The following MAP3K1 variants were observed in gnomAD, a reference collection of about 807,000 sequenced individuals.
The protein encoded by MAP3K1 is mitogen-activated protein kinase kinase kinase 1.
In MAP3K1, 36 loss-of-function variants were observed where a neutral mutation model predicts 144.2. The ratio of observed to expected loss-of-function variants is 0.25; its 90% CI spans 0.19 to 0.33. The LOEUF is 0.33. Among genes scored for constraint, MAP3K1 ranks in the 10% least tolerant of loss-of-function variants. MAP3K1 has a pLI of 1.00. For missense variants in MAP3K1, 1,650 were observed against 1,881.9 expected, an observed-to-expected ratio of 0.88 and a Z score of 2.28; for synonymous variants, 718 against 688.7, an observed-to-expected ratio of 1.04 and a Z score of -0.67.
intron 17 of MAP3K1, 100 bp from the exon 18 acceptor site, chr5:56,887,278 T>C: frequency 1.7e-6 from 2 of 1,144,526 alleles, no homozygotes; most frequent in East Asian, 2.5e-5. Context: ...TTCACTTCTT[T>C]CTTTTGTCAT....
chr5:56,851,168 A>T (rs1204382527), intron 1 of MAP3K1, among the ~76,000 whole-genome samples: 1 of 152,070 alleles, frequency 6.6e-6, no homozygotes, highest in Non-Finnish European at 1.5e-5. Flanking sequence ...CTGGTCTCGA[A>T]CTCCCAACCT....
intron 6 of MAP3K1, among the ~76,000 whole-genome samples, chr5:56,867,904 C>T (rs1476884244): frequency 6.6e-6 from 1 of 152,164 alleles, no homozygotes; most frequent in Non-Finnish European, 1.5e-5. Flanking sequence ...TTACAAATGT[C>T]ATGTAGGCAT....
intron 17 of MAP3K1, 27 bp downstream of exon 17, chr5:56,886,090 G>A: frequency 1.3e-6 from 2 of 1,591,360 alleles, no homozygotes; most frequent in Non-Finnish European, 1.7e-6. Flanking sequence ...TTATTATCTA[G>A]TGACAATAAA....
In MAP3K1 at chr5:56,816,004, G is replaced by A. The variant is rs1169305928; in HGVS notation, c.431G>A (p.Gly144Glu). ...TCGAGTCCCGCAGCGGCCGAGCCCG[G>A]GGAGAAGCGGGCGCCCGCCGCCGAG... ...GASSPAAAEP[G>E]EKRAPAAEPS... The change falls in exon 1 of 20, where the codon GGG becomes GAG. Residue 144 changes from glycine to glutamate, a missense_variant. By Grantham distance (98) the Gly-to-Glu change is moderately conservative. This residue lies in a region of MAP3K1 where 360 missense variants were observed against 274.7 expected (regional missense o/e 1.31). Transcript: ENST00000399503. The A allele has an allele frequency of 1.6e-6, 2 of 1,227,638 alleles. No homozygotes were observed. The highest frequency in any genetic ancestry group is 1.6e-5 in the African/African-American group (1 of 63,762). 76.0% of individuals were successfully genotyped at this position (1,227,638 alleles called of 1,614,324 possible).
In MAP3K1 at chr5:56,816,073, G is replaced by A; in HGVS notation, c.482+18G>A. 1 of 1,209,888 alleles carries A rather than the reference G, an allele frequency of 8.3e-7. No homozygotes were observed. Among genetic ancestry groups the A allele is most frequent in the African/African-American group, 1.6e-5 (1 of 63,472 alleles). The allele number at this position is 1,209,888 out of a possible 1,614,324, so 74.9% of individuals were successfully genotyped here. A position where few individuals can be genotyped will look rare whatever the true frequency, so the allele number is the denominator to read the frequency against. Reference sequence around the variant, plus strand: ...CCCGCCGGGTGAGCAGCACGGCCGGGGTCGCGGCGGGGACTTGGAGAGCGG... The same window carrying A: ...CCCGCCGGGTGAGCAGCACGGCCGGAGTCGCGGCGGGGACTTGGAGAGCGG... On this transcript the variant is annotated intron_variant, in intron 1 of 19. Transcript: ENST00000399503.
chr5:56,832,851 T>G (rs899625975), intron 1 of MAP3K1, among the ~76,000 whole-genome samples: 22 of 152,204 alleles, frequency 1.4e-4, no homozygotes, highest in Non-Finnish European at 2.5e-4. Context: ...AAAACATTAG[T>G]GAAGCATTTT....
chr5:56,880,198 A>G (rs758757636), intron 11 of MAP3K1, among the ~76,000 whole-genome samples: 4 of 152,204 alleles, frequency 2.6e-5, no homozygotes, highest in African/African-American at 4.8e-5. Flanking sequence ...GGTATTTGTT[A>G]TGCTGCTCAC....
chr5:56,858,589 C>G (rs1561184165), intron 2 of MAP3K1, among the ~76,000 whole-genome samples: 1 of 152,060 alleles, frequency 6.6e-6, no homozygotes, highest in Non-Finnish European at 1.5e-5. Flanking sequence ...TAAGTTGTGT[C>G]AAATCATTCT....
At chr5:56,880,958 TGA>T (rs1748186374) in intron 12 of MAP3K1, 123 bp from the exon 13 acceptor site, 2 of 1,066,194 alleles carry the variant, frequency 1.9e-6, no homozygotes, top group East Asian at 5.2e-5. Flanking sequence ...TGAATTACTC[TGA>T]GAGAGAAATT....
intron 1 of MAP3K1, among the ~76,000 whole-genome samples, chr5:56,836,337 A>G (rs1376770424): frequency 1.3e-5 from 2 of 152,050 alleles, no homozygotes; most frequent in Admixed American, 6.5e-5. Flanking sequence ...ACAGCCAGTC[A>G]AATTTTGGTG....
rs1051324821 is a variant in MAP3K1, at chr5:56,847,022, A to G, written c.483-9578A>G. ...ATTTCTGAGAGACATGAGTGTGCCA[A>G]AGAAACACCATAACCAAGCTTTTAC... On this transcript the variant is annotated intron_variant, in intron 1 of 19. Transcript: ENST00000399503. Among the ~76,000 whole-genome samples the G allele has an allele frequency of 3.9e-5, 6 of 152,340 alleles. No individual in the cohort carries two copies. The South Asian group carries it at 8.3e-4, about 21-fold the overall frequency.
In MAP3K1 at chr5:56,875,097, C is replaced by T. The variant is rs1362915612; in HGVS notation, c.1752C>T (p.Leu584=). The change falls in exon 10 of 20, where the codon CTC becomes CTT. Residue 584 remains leucine, a synonymous_variant. Transcript: ENST00000399503. Reference sequence around the variant, plus strand: ...ACTGGAATGTGAGAGAGATGGCCCTCAGGCGTCTTTCCCATGATGTCAGTG... The same window carrying T: ...ACTGGAATGTGAGAGAGATGGCCCTTAGGCGTCTTTCCCATGATGTCAGTG... ...SRNWNVREMA[L]RRLSHDVSGA... 6.2e-7 allele frequency: 1 copy of T among 1,614,200 alleles called. No individual in the cohort carries two copies. Among genetic ancestry groups the T allele is most frequent in the East Asian group, 2.2e-5 (1 of 44,888 alleles).
rs571349230 is a variant in MAP3K1, at chr5:56,870,467, A to G, written c.1302-1443A>G. On this transcript the variant is annotated intron_variant, in intron 6 of 19. Coordinates refer to ENST00000399503, the MANE Select transcript of MAP3K1 (RefSeq NM_005921.2). ...GCCCTCTTTAGCCTGGCTGCACACA[A>G]AATAACTACTGTTAACTATTTCATA... 1.7e-4 allele frequency among the ~76,000 whole-genome samples: 26 copies of G among 152,322 alleles called. No homozygotes were observed. The South Asian group carries it at 5.4e-3, about 32-fold the overall frequency.
In MAP3K1 at chr5:56,816,049, C is replaced by T. The variant is rs549721454; in HGVS notation, c.476C>T (p.Pro159Leu). The part of the protein sequence containing the change: ...PAAEPSPAAA[P>L]AGREMENKET... ...GCCGAGCCGTCTCCTGCAGCGGCCC[C>T]CGCCGGGTGAGCAGCACGGCCGGGG... The change falls in exon 1 of 20, where the codon CCC becomes CTC. Residue 159 changes from proline to leucine, a missense_variant. Coordinates refer to ENST00000399503, the MANE Select transcript of MAP3K1 (RefSeq NM_005921.2). 9.8e-5 allele frequency: 119 copies of T among 1,217,040 alleles called. No homozygotes were observed. The highest frequency in any genetic ancestry group is 6.4e-4 in the Middle Eastern group (2 of 3,106). The allele number at this position is 1,217,040 out of a possible 1,614,324, so 75.4% of individuals were successfully genotyped here.
At chr5:56,887,826 TTC>T (rs1748430250) in intron 18 of MAP3K1, 6 of 442,418 alleles carry the variant, frequency 1.4e-5, no homozygotes, top group South Asian at 4.5e-5. Flanking sequence ...TTTAAAAATA[TTC>T]TCTCTCTATT....
At chr5:56,856,258 A>G (rs1311106683) in intron 1 of MAP3K1, among the ~76,000 whole-genome samples, 1 of 152,162 alleles carries the variant, frequency 6.6e-6, no homozygotes, top group Non-Finnish European at 1.5e-5. Context: ...TTTATTGGAA[A>G]TCCTGGGATA....
chr5:56,843,107 G>A (rs1746867412), intron 1 of MAP3K1, among the ~76,000 whole-genome samples: 1 of 152,100 alleles, frequency 6.6e-6, no homozygotes, highest in Non-Finnish European at 1.5e-5. Context: ...TGTTAAAATG[G>A]GGTCATTTTG....
At chr5:56,886,626 C>G (rs533459511) in intron 17 of MAP3K1, among the ~76,000 whole-genome samples, 4 of 152,298 alleles carry the variant, frequency 2.6e-5, no homozygotes, top group South Asian at 4.1e-4. Context: ...TCCAGATTCC[C>G]TGTCTTGGCC....
At chr5:56,824,273 C>G (rs1012459172) in intron 1 of MAP3K1, among the ~76,000 whole-genome samples, 2 of 152,224 alleles carry the variant, frequency 1.3e-5, no homozygotes, top group African/African-American at 4.8e-5. Context: ...CTCTAAGCAG[C>G]CAAAGGACCT....
Sources: allele counts gnomAD v4.1 joint callset (sites outside exome capture counted in the v4.1 genomes callset), GRCh38; gene constraint gnomAD v4.1.1; regional missense constraint gnomAD v4.1.1; transcripts MANE v1.5; gene names NCBI Gene and HGNC (gene_info 2026-07-23, HGNC 2026-07-21).